BAALC: variants seen among roughly 807,000 people sequenced by gnomAD.
BAALC encodes BAALC binder of MAP3K1 and KLF4.
Under a neutral mutation model 15.5 loss-of-function variants are expected in BAALC, and 9 were observed. The ratio of observed to expected loss-of-function variants is 0.58; its 90% CI spans 0.35 to 1.02. The LOEUF is 1.02. BAALC is among the 50% of genes least tolerant of loss of function. The probability of loss-of-function intolerance (pLI) is 0.02; values close to 1 mark genes in which losing one functional copy is unlikely to be tolerated. For missense variants in BAALC, 201 were observed against 192.4 expected (o/e 1.04, Z -0.27); for synonymous variants, 80 against 74.6 (o/e 1.07, Z -0.37).
intron 1 of BAALC, among the ~76,000 whole-genome samples, chr8:103,186,177 T>C (rs149621103): frequency 1.1e-4 from 16 of 152,288 alleles, no homozygotes; most frequent in Non-Finnish European, 1.6e-4. Flanking sequence ...ATCCCCTTAC[T>C]GGATGTCCAG....
chr8:103,140,887 G>A lies in BAALC; in HGVS notation c.-11G>A. The stretch of plus-strand genomic sequence containing the variant: ...CCGAGCAGCCGCTGGGCGCTCCCGC[G>A]GCGCAGGAGGATGGGCTGCGGCGGG... On this transcript the variant is annotated 5_prime_UTR_variant, in exon 1 of 3. Coordinates refer to ENST00000309982, the MANE Select transcript of BAALC (RefSeq NM_024812.3). The surrounding 1 kb of genome is among the most constrained non-coding windows in gnomAD (Gnocchi z 4.2). 1 of 1,492,610 alleles carries A rather than the reference G, an allele frequency of 6.7e-7. No homozygotes were observed. Among genetic ancestry groups the A allele is most frequent in the South Asian group, 1.3e-5 (1 of 78,732 alleles). The allele number at this position is 1,492,610 out of a possible 1,614,324, so 92.5% of individuals were successfully genotyped here.
intron 1 of BAALC, among the ~76,000 whole-genome samples, chr8:103,195,254 G>T (rs2130014340): frequency 6.6e-6 from 1 of 152,184 alleles, no homozygotes; most frequent in South Asian, 2.1e-4. Flanking sequence ...ACCCTCACCA[G>T]CCCCTGTGCA....
intron 1 of BAALC, among the ~76,000 whole-genome samples, chr8:103,181,753 T>C (rs1031159170): frequency 4.6e-5 from 7 of 152,164 alleles, no homozygotes; most frequent in African/African-American, 4.8e-5. Flanking sequence ...ATATTAAAAC[T>C]AATATTTATT....
intron 1 of BAALC, among the ~76,000 whole-genome samples, chr8:103,187,975 G>C (rs1320408974): frequency 1.3e-5 from 2 of 152,092 alleles, no homozygotes; most frequent in African/African-American, 4.8e-5. Context: ...GTGTCAGTTA[G>C]GACTCTTTCA....
At chr8:103,179,658 G>T (rs753423768) in intron 1 of BAALC, among the ~76,000 whole-genome samples, 1 of 152,238 alleles carries the variant, frequency 6.6e-6, no homozygotes, top group Non-Finnish European at 1.5e-5. Context: ...CTTCCAAATG[G>T]ATGTGAAGCA....
chr8:103,167,872 G>GT (rs1432304070), intron 1 of BAALC, among the ~76,000 whole-genome samples: 2 of 152,132 alleles, frequency 1.3e-5, no homozygotes, highest in African/African-American at 2.4e-5. Flanking sequence ...TTACATTAAA[G>GT]TTTTTTTAAA....
At chr8:103,207,601 T>C (rs1812360321) in intron 1 of BAALC, among the ~76,000 whole-genome samples, 1 of 152,178 alleles carries the variant, frequency 6.6e-6, no homozygotes, top group South Asian at 2.1e-4. Context: ...CCTTTCCTCT[T>C]GTTTAGTGAC....
chr8:103,208,607 A>T (rs1168579127), intron 1 of BAALC: 2 of 152,228 alleles, frequency 1.3e-5, no homozygotes, highest in African/African-American at 4.8e-5. Context: ...AATGCTCTGC[A>T]GGCACCATCG....
chr8:103,167,490 C>T (rs1047003263), intron 1 of BAALC, among the ~76,000 whole-genome samples: 14 of 152,272 alleles, frequency 9.2e-5, no homozygotes, highest in African/African-American at 3.1e-4. Context: ...GTAGAGCTGG[C>T]GGCTACCATA....
intron 1 of BAALC, among the ~76,000 whole-genome samples, chr8:103,143,397 C>A (rs908168304): frequency 1.3e-5 from 2 of 152,160 alleles, no homozygotes; most frequent in African/African-American, 4.8e-5. Flanking sequence ...CAGAATGCCA[C>A]TTTTTCCTGT....
intron 1 of BAALC, among the ~76,000 whole-genome samples, chr8:103,193,038 C>A (rs763773721): frequency 1.2e-4 from 19 of 152,326 alleles, no homozygotes; most frequent in Middle Eastern, 3.4e-3. Context: ...CCACGATCTG[C>A]AACCCCCTGG....
chr8:103,178,741 C>T (rs1246541376), intron 1 of BAALC, among the ~76,000 whole-genome samples: 1 of 151,712 alleles, frequency 6.6e-6, no homozygotes, highest in Non-Finnish European at 1.5e-5. Flanking sequence ...CCTGTAATCC[C>T]AGCTACTCAG....
intron 1 of BAALC, among the ~76,000 whole-genome samples, chr8:103,180,390 G>A (rs1216583968): frequency 3.3e-5 from 5 of 152,184 alleles, no homozygotes; most frequent in South Asian, 2.1e-4. Flanking sequence ...CAAGGCTCAC[G>A]TGCTTGGCCT....
chr8:103,202,927 C>A (rs1345815693), intron 1 of BAALC: 3 of 152,214 alleles, frequency 2.0e-5, no homozygotes, highest in Non-Finnish European at 4.4e-5. Context: ...ACTGGCAGGT[C>A]CAAAGGGTAG....
In BAALC at chr8:103,229,441, A is replaced by AACTC. The variant is rs1367063354; in HGVS notation, c.*1343_*1346dup. On this transcript the variant is annotated 3_prime_UTR_variant, in exon 3 of 3. Coordinates refer to ENST00000309982, the MANE Select transcript of BAALC (RefSeq NM_024812.3). Reference sequence around the variant, plus strand: ...CAGATACGCAACCTCCTTATCTGCTAACTCTGTTATTCTTCAAACACAAGT... The same window carrying AACTC: ...CAGATACGCAACCTCCTTATCTGCTAACTCACTCTGTTATTCTTCAAACACAAGT... 6.6e-6 allele frequency: 1 copy of AACTC among 152,230 alleles called. No homozygotes were observed. The highest frequency in any genetic ancestry group is 6.5e-5 in the Admixed American group (1 of 15,290). The allele number at this position is 152,230 out of a possible 1,614,324, so 9.4% of individuals were successfully genotyped here.
chr8:103,163,316 C>G (rs1811271228), intron 1 of BAALC, among the ~76,000 whole-genome samples: 1 of 152,166 alleles, frequency 6.6e-6, no homozygotes, highest in Admixed American at 6.6e-5. Context: ...GAAGACTCAC[C>G]TGCTGCTGAC....
chr8:103,181,064 A>G (rs2129972917), intron 1 of BAALC, among the ~76,000 whole-genome samples: 1 of 150,080 alleles, frequency 6.7e-6, no homozygotes, highest in South Asian at 2.1e-4. Context: ...GCCTTTCAGA[A>G]TATTAAAAGG....
At chr8:103,179,237 G>A (rs1333628445) in intron 1 of BAALC, among the ~76,000 whole-genome samples, 1 of 152,152 alleles carries the variant, frequency 6.6e-6, no homozygotes, top group East Asian at 1.9e-4. Context: ...TTTGTTGGGG[G>A]TGCTGTCGTG....
intron 2 of BAALC, among the ~76,000 whole-genome samples, chr8:103,217,333 A>T (rs1285923217): frequency 6.6e-6 from 1 of 152,238 alleles, no homozygotes; most frequent in Non-Finnish European, 1.5e-5. Flanking sequence ...TTAGAAGCTA[A>T]GTTTACCTGT....
Sources: allele counts gnomAD v4.1 joint callset (sites outside exome capture counted in the v4.1 genomes callset), GRCh38; gene constraint gnomAD v4.1.1; non-coding constraint Gnocchi (gnomAD v3.1); transcripts MANE v1.5; gene names NCBI Gene and HGNC (gene_info 2026-07-23, HGNC 2026-07-21).